Variants in RNF216 observed in about 807,000 individuals in gnomAD.
The protein encoded by RNF216 is ring finger protein 216.
A neutral mutation model predicts 110.8 loss-of-function variants in RNF216; 72 were observed. The observed-to-expected ratio is 0.65, with a 90% CI of 0.54 to 0.79. The LOEUF is 0.79. Among genes scored for constraint, RNF216 ranks in the 30% least tolerant of loss-of-function variants. The pLI, the probability that RNF216 is intolerant of heterozygous loss-of-function variation, is 0.00. For synonymous variants in RNF216, 495 were observed against 407.5 expected, an observed-to-expected ratio of 1.21 and a Z score of -2.59; for missense variants, 1,342 against 1,141.2, an observed-to-expected ratio of 1.18 and a Z score of -2.54.
intron 15 of RNF216, among the ~76,000 whole-genome samples, chr7:5,635,315 C>G (rs1335120324): frequency 6.8e-6 from 1 of 147,366 alleles, no homozygotes; most frequent in Non-Finnish European, 1.5e-5. Context: ...TTTTAACACA[C>G]AATGATATTT....
chr7:5,678,061 G>A (rs1293042775), intron 13 of RNF216, among the ~76,000 whole-genome samples: 1 of 152,010 alleles, frequency 6.6e-6, no homozygotes, highest in African/African-American at 2.4e-5. Context: ...GTGGTACTGA[G>A]GTTTCCTCCC....
intron 3 of RNF216, among the ~76,000 whole-genome samples, chr7:5,744,461 G>C (rs964990414): frequency 4.6e-5 from 7 of 152,096 alleles, no homozygotes; most frequent in African/African-American, 1.7e-4. Flanking sequence ...GGAAAACAAG[G>C]GAGGGAAGGG....
At chr7:5,769,077 G>A (rs1796357674) in intron 1 of RNF216, among the ~76,000 whole-genome samples, 1 of 149,754 alleles carries the variant, frequency 6.7e-6, no homozygotes, top group Non-Finnish European at 1.5e-5. Context: ...TTTATGTGAA[G>A]GAGGTAAAAT....
intron 2 of RNF216, among the ~76,000 whole-genome samples, chr7:5,759,627 T>TTTCTTC (rs78700718): frequency 2.7e-4 from 3 of 10,986 alleles, no homozygotes; most frequent in Non-Finnish European, 4.3e-4. Context: ...TGGAGTCATT[T>TTTCTTC]TTCTTCTTTT....
intron 14 of RNF216, among the ~76,000 whole-genome samples, chr7:5,651,253 T>G (rs1187014889): frequency 6.6e-6 from 1 of 151,792 alleles, no homozygotes; most frequent in African/African-American, 2.4e-5. Context: ...AGTTGGAGTC[T>G]CGCTCTGTCG....
chr7:5,651,604 G>A (rs1562790570), intron 14 of RNF216, among the ~76,000 whole-genome samples: 1 of 151,938 alleles, frequency 6.6e-6, no homozygotes, highest in Non-Finnish European at 1.5e-5. Context: ...AGATTGTTAT[G>A]AGAGAAGAGA....
chr7:5,671,239 T>G (rs1018016206), intron 13 of RNF216, among the ~76,000 whole-genome samples: 2 of 152,196 alleles, frequency 1.3e-5, no homozygotes, highest in African/African-American at 4.8e-5. Context: ...TGCTCATGCC[T>G]GAATAGACTT....
At position 5,658,277 on chromosome 7, in the gene RNF216, A is replaced by G. The variant is rs994131281; in HGVS notation, c.2062-5767T>C. On this transcript the variant is annotated intron_variant, in intron 13 of 16. Coordinates refer to ENST00000389902, the MANE Select transcript of RNF216 (RefSeq NM_207111.4). ...AGCCAAGTATCTGAACCTCAGAACC[A>G]GATGCTCAAACCAAACATTCCAACA... Among the ~76,000 whole-genome samples, 12 of 152,386 alleles carry G rather than the reference A, an allele frequency of 7.9e-5. 1 individual carries two copies. In the South Asian group the frequency reaches 2.3e-3, roughly 29 times the overall value.
intron 13 of RNF216, among the ~76,000 whole-genome samples, chr7:5,659,061 A>G (rs1422997403): frequency 6.6e-6 from 1 of 152,176 alleles, no homozygotes; most frequent in African/African-American, 2.4e-5. Flanking sequence ...AAAGACTTCT[A>G]GGCTTCTGAT....
At chr7:5,674,033 ATT>A (rs77889305) in intron 13 of RNF216, among the ~76,000 whole-genome samples, 3 of 127,696 alleles carry the variant, frequency 2.3e-5, no homozygotes, top group Non-Finnish European at 3.4e-5. Context: ...ATAATTTTCA[ATT>A]TTTTTTTTTT....
intron 13 of RNF216, among the ~76,000 whole-genome samples, chr7:5,682,024 T>G (rs1790683409): frequency 6.6e-6 from 1 of 152,228 alleles, no homozygotes; most frequent in African/African-American, 2.4e-5. Flanking sequence ...TGTGTGCCAC[T>G]TCTGTGGCCG....
chr7:5,651,577 A>G (rs74635373), intron 14 of RNF216, among the ~76,000 whole-genome samples: 1,533 of 152,186 alleles, frequency 0.01, 23 homozygotes, highest in African/African-American at 0.034. Context: ...ATGCACCCTC[A>G]GCTGCATGGT....
chr7:5,707,736 T>G (rs1466810983), intron 13 of RNF216, among the ~76,000 whole-genome samples: 13 of 146,496 alleles, frequency 8.9e-5, no homozygotes, highest in African/African-American at 2.5e-4. Context: ...TTTTTTTTTT[T>G]TTTTTGTGAC....
At chr7:5,676,262 T>C (rs910087011) in intron 13 of RNF216, among the ~76,000 whole-genome samples, 1 of 152,182 alleles carries the variant, frequency 6.6e-6, no homozygotes, top group Non-Finnish European at 1.5e-5. Flanking sequence ...TCGGCCCGCC[T>C]TGGCCTCCCA....
At position 5,696,961 on chromosome 7, in the gene RNF216, A is replaced by C. The variant is rs1791667637; in HGVS notation, c.2061+14800T>G. Among the ~76,000 whole-genome samples, 2 of 152,114 alleles carry C rather than the reference A, an allele frequency of 1.3e-5. No homozygotes were observed. Among genetic ancestry groups the C allele is most frequent in the Admixed American group, 1.3e-4 (2 of 15,270 alleles). On this transcript the variant is annotated intron_variant, in intron 13 of 16. Coordinates refer to ENST00000389902, the MANE Select transcript of RNF216 (RefSeq NM_207111.4). The surrounding 1 kb of genome is among the most constrained non-coding windows in gnomAD (Gnocchi z 5.4). ...CCTCCCACAAGCAGCATGTGATCCC[A>C]CTGTGTCCCTCCATTACGCCAGCAA...
chr7:5,709,321 A>G (rs1043053778), intron 13 of RNF216, among the ~76,000 whole-genome samples: 1 of 152,208 alleles, frequency 6.6e-6, no homozygotes, highest in African/African-American at 2.4e-5. Context: ...CTTCCTCCCA[A>G]TCACATGGTG....
intron 13 of RNF216, among the ~76,000 whole-genome samples, chr7:5,690,719 T>C (rs878892587): frequency 6.6e-6 from 1 of 151,936 alleles, no homozygotes; most frequent in East Asian, 1.9e-4. Flanking sequence ...TAGTGAGAGG[T>C]AGAGTGAAGA....
chr7:5,759,131 CTT>C (rs1264927438), intron 2 of RNF216, among the ~76,000 whole-genome samples: 1 of 152,178 alleles, frequency 6.6e-6, no homozygotes, highest in Non-Finnish European at 1.5e-5. Context: ...CCCAACCCCT[CTT>C]GTTCCTGCTC....
chr7:5,638,107 C>G (rs1787508548), intron 15 of RNF216, among the ~76,000 whole-genome samples: 1 of 152,188 alleles, frequency 6.6e-6, no homozygotes, highest in South Asian at 2.1e-4. Flanking sequence ...CTGGATGCTC[C>G]ATCCAGACAT....
Sources: gnomAD v4.1 joint callset for allele counts (sites outside exome capture counted in the v4.1 genomes callset) on GRCh38, gnomAD v4.1.1 for gene constraint, Gnocchi (gnomAD v3.1) non-coding constraint, MANE v1.5 for transcripts, NCBI Gene and HGNC (gene_info 2026-07-23, HGNC 2026-07-21) for gene names.